The following ZNF638 variants were observed in gnomAD, a reference collection of about 807,000 sequenced individuals.
ZNF638 encodes the protein zinc finger protein 638.
A neutral mutation model predicts 195.6 loss-of-function variants in ZNF638; 46 were observed. The observed-to-expected ratio is 0.24, with a 90% CI of 0.19 to 0.30. The LOEUF (loss-of-function observed/expected upper bound fraction) is 0.30. Among genes scored for constraint, ZNF638 ranks in the 10% least tolerant of loss-of-function variants. ZNF638 has a pLI of 1.00. For synonymous variants in ZNF638, 845 were observed against 772.0 expected, an observed-to-expected ratio of 1.09 and a Z score of -1.57; for missense variants, 2,440 against 2,325.3, an observed-to-expected ratio of 1.05 and a Z score of -1.01.
At chr2:71,395,991 G>T in intron 10 of ZNF638, 150 bp from the exon 11 acceptor site, 1 of 676,340 alleles carries the variant, frequency 1.5e-6, no homozygotes, top group South Asian at 1.7e-5. Flanking sequence ...CTAAGAATTT[G>T]CCCCCATAGT....
At chr2:71,418,400 G>C (rs759606135) in intron 20 of ZNF638, 1 of 380,578 alleles carries the variant, frequency 2.6e-6, no homozygotes, top group Non-Finnish European at 4.6e-6. Flanking sequence ...ATAAGTTATT[G>C]TGTGTGACCT....
At chr2:71,404,799 T>C (rs1220283460) in intron 17 of ZNF638, among the ~76,000 whole-genome samples, 1 of 152,206 alleles carries the variant, frequency 6.6e-6, no homozygotes, top group African/African-American at 2.4e-5. Context: ...TTCAGTTTTA[T>C]AAAACTCCTT....
chr2:71,354,965 TATTTTTA>T (rs1259849575), intron 2 of ZNF638, among the ~76,000 whole-genome samples: 18 of 152,002 alleles, frequency 1.2e-4, no homozygotes, highest in Non-Finnish European at 2.4e-4. Flanking sequence ...ATTTTATTTT[TATTTTTA>T]TTTTTATTTT....
intron 20 of ZNF638, among the ~76,000 whole-genome samples, chr2:71,416,982 C>T (rs1177955243): frequency 6.7e-6 from 1 of 149,984 alleles, no homozygotes; most frequent in Non-Finnish European, 1.5e-5. Context: ...AGGCAGGCCT[C>T]CTTGAGTTGT....
chr2:71,384,122 G>T (rs952091452), intron 10 of ZNF638, among the ~76,000 whole-genome samples: 5 of 152,008 alleles, frequency 3.3e-5, no homozygotes, highest in African/African-American at 1.2e-4. Flanking sequence ...CCAATCAGTG[G>T]CGGATCCATA....
chr2:71,403,921 A>G lies in ZNF638; in HGVS notation c.2881A>G (p.Thr961Ala), dbSNP rs1257775409. The G allele has an allele frequency of 6.2e-7, 1 of 1,608,844 alleles. No individual in the cohort carries two copies. The highest frequency in any genetic ancestry group is 8.5e-7 in the Non-Finnish European group (1 of 1,175,638). ...TGCTGAGTCTATGGTAAAATTTTAT[A>G]CCTGCTTCCCAGTATTGATGGATGG... ...KAAESMVKFYTCFPVLMDGNQ... is the reference protein window; with the variant it reads ...KAAESMVKFYACFPVLMDGNQ... The change falls in exon 17 of 28, where the codon ACC becomes GCC. Residue 961 changes from threonine (T) to alanine (A), a missense_variant. Physicochemically the swap from Thr to Ala is moderately conservative, Grantham distance 58. Transcript: ENST00000264447.
chr2:71,365,825 TC>T (rs1283347805), intron 6 of ZNF638, 119 bp downstream of exon 6: 1 of 975,016 alleles, frequency 1.0e-6, no homozygotes, highest in East Asian at 2.7e-5. Flanking sequence ...GCTCAAGTGA[TC>T]CTCCTGCCTC....
chr2:71,374,291 G>A (rs2104321756), intron 8 of ZNF638, among the ~76,000 whole-genome samples: 2 of 152,272 alleles, frequency 1.3e-5, no homozygotes, highest in East Asian at 3.9e-4. Context: ...TATCCTTGTT[G>A]ATTTGAAAAG....
intron 10 of ZNF638, chr2:71,393,423 A>G (rs1161807554): frequency 1.4e-6 from 1 of 718,826 alleles, no homozygotes; most frequent in Non-Finnish European, 2.6e-6. Context: ...ACGATGCATC[A>G]GACCATACCA....
chr2:71,396,034 C>T lies in ZNF638; in HGVS notation c.2378-107C>T. 7 of 931,952 alleles carry T rather than the reference C, an allele frequency of 7.5e-6. No individual in the cohort carries two copies. In the South Asian group the frequency reaches 9.8e-5, roughly 13 times the overall value. 57.7% of individuals were successfully genotyped at this position (931,952 alleles called of 1,614,324 possible). On this transcript the variant is annotated intron_variant, in intron 10 of 27. Transcript: ENST00000264447. ...TGGACATACAAAGATGAGTATAGGG[C>T]TGTTTCTTGCAGGGTTCTTTCGAAA... is the stretch of plus-strand genomic sequence containing the variant.
intron 11 of ZNF638, among the ~76,000 whole-genome samples, chr2:71,396,510 G>A (rs1156245276): frequency 2.6e-5 from 4 of 152,104 alleles, no homozygotes; most frequent in Admixed American, 2.6e-4. Context: ...TGTAGTTTTT[G>A]TGAGCTATAG....
chr2:71,363,957 T>C lies in ZNF638; in HGVS notation c.1422T>C (p.Asn474=). Residue 474 remains asparagine (N), a synonymous_variant, in exon 5 of 28, where the codon AAT becomes AAC. Coordinates refer to ENST00000264447, the MANE Select transcript of ZNF638 (RefSeq NM_014497.5). The part of the protein sequence containing the change: ...WNPEILPSRR[N]EGNRKENETP... ...TTTTCCGCCCCCCTGCTTGTAGAAA[T>C]GAGGGCAATAGAAAAGAAAATGAAA... is the stretch of plus-strand genomic sequence containing the variant. 1 of 1,606,392 alleles carries C rather than the reference T, an allele frequency of 6.2e-7. No homozygotes were observed.
intron 10 of ZNF638, among the ~76,000 whole-genome samples, chr2:71,385,329 T>C (rs2079614946): frequency 6.6e-6 from 1 of 152,248 alleles, no homozygotes; most frequent in Non-Finnish European, 1.5e-5. Context: ...CAAGGGCCTA[T>C]ACACGAGTAT....
At chr2:71,407,770 TA>T (rs532936848) in intron 19 of ZNF638, 114 of 159,282 alleles carry the variant, frequency 7.2e-4, no homozygotes, top group African/African-American at 2.6e-3. Flanking sequence ...TATGTGGAAT[TA>T]TATTTGCTTT....
At chr2:71,417,460 G>C (rs184451800) in intron 20 of ZNF638, among the ~76,000 whole-genome samples, 47 of 152,286 alleles carry the variant, frequency 3.1e-4, no homozygotes, top group Middle Eastern at 3.4e-3. Flanking sequence ...GCTGGGAGCT[G>C]TAGACCGGAG....
At chr2:71,427,547 TCAA>T (rs764166094) in intron 24 of ZNF638, 133 bp downstream of exon 24, 1 of 596,668 alleles carries the variant, frequency 1.7e-6, no homozygotes. Flanking sequence ...ACAGTTAAAG[TCAA>T]CAATAAATTT....
At chr2:71,380,307 G>A in intron 9 of ZNF638, 27 bp downstream of exon 9, 1 of 1,480,334 alleles carries the variant, frequency 6.8e-7, no homozygotes, top group Non-Finnish European at 9.1e-7. Flanking sequence ...TTTCATATGT[G>A]AGAATGAAAT....
Position 71,364,377 on chromosome 2 carries a change from C to T in ZNF638, c.1717+125C>T, listed in dbSNP as rs1453937716. ...TTAGAGTTGATAAATGAAATCTGAC[C>T]CACATGCCACAGAGTTATTCCCTCT... On this transcript the variant is annotated intron_variant, in intron 5 of 27. Transcript: ENST00000264447. 5 of 996,794 alleles carry T rather than the reference C, an allele frequency of 5.0e-6. No individual in the cohort carries two copies. The African/African-American group carries it at 8.2e-5, about 16-fold the overall frequency. The allele number at this position is 996,794 out of a possible 1,614,324, so 61.7% of individuals were successfully genotyped here.
intron 8 of ZNF638, chr2:71,374,983 T>A (rs1396275065): frequency 6.6e-6 from 1 of 150,646 alleles, no homozygotes; most frequent in African/African-American, 2.4e-5. Flanking sequence ...TTAGCAAGTT[T>A]TATTTTTTTT....
Sources: gnomAD v4.1 joint callset for allele counts (sites outside exome capture counted in the v4.1 genomes callset) on GRCh38, gnomAD v4.1.1 for gene constraint, MANE v1.5 for transcripts, NCBI Gene and HGNC (gene_info 2026-07-23, HGNC 2026-07-21) for gene names.